Variants in ADAMTS9 observed in about 807,000 individuals in gnomAD.
ADAMTS9 encodes ADAM metallopeptidase with thrombospondin type 1 motif 9, also known as A disintegrin and metalloproteinase with thrombospondin motifs 9.
In ADAMTS9, 107 loss-of-function variants were observed where a neutral mutation model predicts 257.1. That is an observed-to-expected ratio of 0.42 (90% CI 0.36 to 0.49). The LOEUF is 0.49. Among genes scored for constraint, ADAMTS9 ranks in the 20% least tolerant of loss-of-function variants. ADAMTS9 has a pLI of 0.03. For missense variants in ADAMTS9, 2,353 were observed against 2,469.1 expected, an observed-to-expected ratio of 0.95 and a Z score of 1.00; for synonymous variants, 982 against 880.9, an observed-to-expected ratio of 1.11 and a Z score of -2.03.
At chr3:64,572,029 T>C (rs139480753) in intron 28 of ADAMTS9, among the ~76,000 whole-genome samples, 1 of 151,670 alleles carries the variant, frequency 6.6e-6, no homozygotes, top group East Asian at 2.0e-4. Flanking sequence ...CTAGGGAATA[T>C]TTAATTCCTC....
At chr3:64,529,680 G>A (rs1171431654) in intron 38 of ADAMTS9, among the ~76,000 whole-genome samples, 3 of 152,170 alleles carry the variant, frequency 2.0e-5, no homozygotes, top group African/African-American at 7.2e-5. Context: ...CTGTAACTTC[G>A]AAAAGAAGTT....
chr3:64,616,530 G>A (rs532519575), intron 19 of ADAMTS9, among the ~76,000 whole-genome samples: 2 of 93,146 alleles, frequency 2.1e-5, no homozygotes, highest in South Asian at 5.1e-4. Context: ...ATTCCTTGAA[G>A]ACATGGACTA....
At chr3:64,529,982 ATTTTTT>A (rs200385291) in intron 38 of ADAMTS9, among the ~76,000 whole-genome samples, 1,511 of 106,502 alleles carry the variant, frequency 0.014, 19 homozygotes, top group African/African-American at 0.04. Context: ...CAGTTATTTA[ATTTTTT>A]TTTTTTTTTT....
At chr3:64,547,115 C>A (rs1307754029) in intron 31 of ADAMTS9, among the ~76,000 whole-genome samples, 163 bp from the exon 32 acceptor site, 1 of 152,158 alleles carries the variant, frequency 6.6e-6, no homozygotes, top group African/African-American at 2.4e-5. Context: ...CCTGAGCGCA[C>A]AGGAGACAGG....
intron 12 of ADAMTS9, among the ~76,000 whole-genome samples, chr3:64,641,404 T>C (rs982013556): frequency 4.0e-5 from 6 of 151,608 alleles, no homozygotes; most frequent in Admixed American, 2.0e-4. Context: ...TGTGCCATGC[T>C]GGTGTGCTGC....
At chr3:64,574,091 A>G (rs6771036) in intron 28 of ADAMTS9, among the ~76,000 whole-genome samples, 4,836 of 152,278 alleles carry the variant, frequency 0.032, 254 homozygotes, top group African/African-American at 0.11. Flanking sequence ...ATGTTTTTGT[A>G]AAGGCCGGAA....
At chr3:64,648,428 A>C (rs1696680396) in intron 10 of ADAMTS9, among the ~76,000 whole-genome samples, 1 of 152,220 alleles carries the variant, frequency 6.6e-6, no homozygotes, top group African/African-American at 2.4e-5. Context: ...AGTAATAGAC[A>C]GCATTTAAGC....
At position 64,678,772 on chromosome 3, in the gene ADAMTS9, C is replaced by T. The variant is rs73832378; in HGVS notation, c.679+2429G>A. Among the ~76,000 whole-genome samples the T allele has an allele frequency of 8.1e-3, 1,241 of 152,290 alleles. 22 individuals carry two copies. Among genetic ancestry groups the T allele is most frequent in the African/African-American group, 0.028 (1,170 of 41,544 alleles). On this transcript the variant is annotated intron_variant, in intron 3 of 39. Coordinates refer to ENST00000498707, the MANE Select transcript of ADAMTS9 (RefSeq NM_182920.2). ...ACCTGTTGGTCCATTCCTCTGATAC[C>T]TGCTGGTGAATCGTGCCATATTCTA...
intron 9 of ADAMTS9, 72 bp downstream of exon 9, chr3:64,650,945 T>C: frequency 6.9e-7 from 1 of 1,457,970 alleles, no homozygotes; most frequent in Non-Finnish European, 9.2e-7. Context: ...TCATATTGTC[T>C]TTCCCACAAT....
intron 28 of ADAMTS9, among the ~76,000 whole-genome samples, chr3:64,569,405 T>C (rs553831249): frequency 6.6e-5 from 10 of 152,262 alleles, no homozygotes; most frequent in African/African-American, 2.2e-4. Context: ...TATTTCCCAA[T>C]ATAATGGTCT....
intron 30 of ADAMTS9, among the ~76,000 whole-genome samples, chr3:64,557,333 GACC>G (rs2083352575): frequency 1.3e-5 from 2 of 152,260 alleles, no homozygotes; most frequent in East Asian, 3.9e-4. Flanking sequence ...TGACCAGAAG[GACC>G]TCTGCTGCTC....
At position 64,654,560 on chromosome 3, in the gene ADAMTS9, C is replaced by G. The variant is rs534588443; in HGVS notation, c.1210+12G>C. ...CGGTTTTAGCCATAGAAGATACGCA[C>G]AGAGAACTCACCTAAGGTATCACAT... On this transcript the variant is annotated intron_variant, in intron 7 of 39. Coordinates refer to ENST00000498707, the MANE Select transcript of ADAMTS9 (RefSeq NM_182920.2). The G allele has an allele frequency of 1.9e-6, 3 of 1,614,056 alleles. No homozygotes were observed. Among genetic ancestry groups the G allele is most frequent in the Non-Finnish European group, 2.5e-6 (3 of 1,179,982 alleles).
intron 16 of ADAMTS9, 54 bp from the exon 17 acceptor site, chr3:64,622,640 T>C: frequency 6.3e-7 from 1 of 1,586,202 alleles, no homozygotes; most frequent in Non-Finnish European, 8.6e-7. Context: ...GACTAGCTGT[T>C]TGAAATATGA....
At chr3:64,517,338 C>T (rs1217639939) in intron 39 of ADAMTS9, among the ~76,000 whole-genome samples, 2 of 150,138 alleles carry the variant, frequency 1.3e-5, no homozygotes, top group African/African-American at 2.4e-5. Flanking sequence ...ACCTCCTGGG[C>T]AAGCAATCCT....
intron 28 of ADAMTS9, among the ~76,000 whole-genome samples, chr3:64,573,000 C>A (rs1375844899): frequency 6.7e-6 from 1 of 148,480 alleles, no homozygotes; most frequent in African/African-American, 2.5e-5. Flanking sequence ...ATCGCTTGAA[C>A]CTGGGAGGTG....
intron 3 of ADAMTS9, among the ~76,000 whole-genome samples, chr3:64,666,503 G>T (rs1701356759): frequency 6.6e-6 from 1 of 152,178 alleles, no homozygotes; most frequent in African/African-American, 2.4e-5. Flanking sequence ...GTCTGCACAG[G>T]AATCATCTGT....
At chr3:64,622,810 A>G (rs1700140621) in intron 16 of ADAMTS9, among the ~76,000 whole-genome samples, 1 of 152,170 alleles carries the variant, frequency 6.6e-6, no homozygotes, top group Non-Finnish European at 1.5e-5. Context: ...GTGGAGATAA[A>G]AGCACCTACT....
At chr3:64,565,032 G>A (rs2083507989) in intron 29 of ADAMTS9, among the ~76,000 whole-genome samples, 1 of 152,160 alleles carries the variant, frequency 6.6e-6, no homozygotes, top group Admixed American at 6.5e-5. Context: ...GTCAGTGAGG[G>A]TGTGGGTGAG....
intron 37 of ADAMTS9, 89 bp from the exon 38 acceptor site, chr3:64,533,359 T>G (rs539911194): frequency 8.9e-6 from 9 of 1,010,512 alleles, no homozygotes; most frequent in Non-Finnish European, 1.4e-5. Context: ...AAAGGTACTT[T>G]GGAAAAGAGA....
Sources: gnomAD v4.1 joint callset for allele counts (sites outside exome capture counted in the v4.1 genomes callset) on GRCh38, gnomAD v4.1.1 for gene constraint, MANE v1.5 for transcripts, NCBI Gene and HGNC (gene_info 2026-07-23, HGNC 2026-07-21) for gene names.